Variants in MPV17 observed in about 807,000 individuals in gnomAD.
The protein encoded by MPV17 is MPV17, mitochondrial inner membrane protein.
Under a neutral mutation model 28.6 loss-of-function variants are expected in MPV17, and 31 were observed. That is an observed-to-expected ratio of 1.08 (90% CI 0.81 to 1.46). MPV17 has a LOEUF of 1.46. Among genes scored for constraint, MPV17 ranks in the 40% most tolerant of loss-of-function variants. MPV17 has a pLI of 0.00. For missense variants in MPV17, 198 were observed against 216.2 expected, an observed-to-expected ratio of 0.92 and a Z score of 0.53; for synonymous variants, 87 against 85.3, an observed-to-expected ratio of 1.02 and a Z score of -0.11.
chr2:27,317,156 T>A lies in MPV17; in HGVS notation c.71-4047A>T. The A allele has an allele frequency of 6.5e-7, 1 of 1,550,320 alleles. No homozygotes were observed. Among genetic ancestry groups the A allele is most frequent in the Non-Finnish European group, 8.7e-7 (1 of 1,146,930 alleles). ...CTTGGAGTGAGGAGCAGGAAGCGTG[T>A]CCTTCAGTCCAGGAGGCCTGGGTCG... On this transcript the variant is annotated intron_variant, in intron 2 of 7. Transcript: ENST00000380044. The surrounding 1 kb of genome is among the most constrained non-coding windows in gnomAD (Gnocchi z 4.0).
intron 7 of MPV17, among the ~76,000 whole-genome samples, chr2:27,310,687 G>T (rs924907508): frequency 1.9e-4 from 29 of 152,216 alleles, no homozygotes; most frequent in African/African-American, 5.5e-4. Context: ...GTTTCAAAGA[G>T]TGTTGCAAAG....
chr2:27,322,389 G>T, intron 2 of MPV17, 59 bp downstream of exon 2: 1 of 1,444,956 alleles, frequency 6.9e-7, no homozygotes, highest in Non-Finnish European at 9.7e-7. Context: ...AGTGGGGCAA[G>T]CCTCTGGCTT....
At chr2:27,312,291 C>T (rs1212086518) in intron 5 of MPV17, 45 bp from the exon 6 acceptor site, 4 of 1,600,620 alleles carry the variant, frequency 2.5e-6, no homozygotes, top group Non-Finnish European at 3.4e-6. Flanking sequence ...CGCCTCCAAG[C>T]AGCTCCCACT....
intron 2 of MPV17, among the ~76,000 whole-genome samples, chr2:27,318,824 GC>G (rs1269921387): frequency 2.6e-5 from 4 of 151,806 alleles, no homozygotes; most frequent in Non-Finnish European, 5.9e-5. Context: ...GAGTGCTGTA[GC>G]GCAATCTCAG....
chr2:27,320,199 C>T (rs904626272), intron 2 of MPV17, among the ~76,000 whole-genome samples: 6 of 150,700 alleles, frequency 4.0e-5, no homozygotes, highest in African/African-American at 9.7e-5. Flanking sequence ...ATCACGCCAC[C>T]GCACTCCAGC....
chr2:27,320,758 T>C (rs990779484), intron 2 of MPV17, among the ~76,000 whole-genome samples: 1 of 152,242 alleles, frequency 6.6e-6, no homozygotes, highest in Non-Finnish European at 1.5e-5. Flanking sequence ...GTCTGAAATC[T>C]CTGTACTGTT....
intron 2 of MPV17, chr2:27,315,804 C>G (rs775541769): frequency 7.7e-5 from 66 of 861,212 alleles, no homozygotes; most frequent in Non-Finnish European, 9.2e-5. Context: ...CCAGGTGATC[C>G]ACCTGCCTTG....
chr2:27,311,562 G>T (rs1244079111), intron 7 of MPV17: 2 of 1,548,950 alleles, frequency 1.3e-6, no homozygotes, highest in African/African-American at 1.4e-5. Flanking sequence ...TGGCCTTCTG[G>T]TCTACCTCTC....
intron 2 of MPV17, among the ~76,000 whole-genome samples, chr2:27,318,223 C>T (rs1218733211): frequency 1.6e-5 from 1 of 62,666 alleles, no homozygotes; most frequent in Non-Finnish European, 3.1e-5. Flanking sequence ...CACCTGCCAC[C>T]ACACCCAGCT....
chr2:27,315,552 C>T (rs1218315504), intron 2 of MPV17, among the ~76,000 whole-genome samples: 6 of 152,232 alleles, frequency 3.9e-5, no homozygotes, highest in Non-Finnish European at 1.5e-5. Flanking sequence ...CTCCATTCAT[C>T]CATTCATTCA....
intron 1 of MPV17, among the ~76,000 whole-genome samples, chr2:27,322,737 G>T (rs1005884222): frequency 6.6e-6 from 1 of 152,210 alleles, no homozygotes; most frequent in Non-Finnish European, 1.5e-5. Flanking sequence ...GGAAGCTATG[G>T]ACTCCTGGTA....
chr2:27,313,120 T>C lies in MPV17; in HGVS notation c.71-11A>G. On this transcript the variant is annotated splice_polypyrimidine_tract_variant and intron_variant, in intron 2 of 7. Coordinates refer to ENST00000380044, the MANE Select transcript of MPV17 (RefSeq NM_002437.5). ...GGCCCATCAGGGACCCTATGCAGGG[T>C]ACACAGGTGTTGTCAGGACATCTCC... 6.2e-7 allele frequency: 1 copy of C among 1,614,126 alleles called. No individual in the cohort carries two copies. The highest frequency in any genetic ancestry group is 8.5e-7 in the Non-Finnish European group (1 of 1,180,036).
At chr2:27,313,300 T>G in intron 2 of MPV17, 191 bp from the exon 3 acceptor site, 2 of 1,315,504 alleles carry the variant, frequency 1.5e-6, no homozygotes, top group Non-Finnish European at 2.1e-6. Flanking sequence ...TGACACCTCA[T>G]GTGTATTCTG....
In MPV17 at chr2:27,309,573, A is replaced by G; in HGVS notation, c.*339T>C. ...GAGTCTCTAAAGAGCTGGAGCTACAAGAAGCCTAGGCAGGGTTAGAGTAAC... is the reference window on the plus strand; with the variant it reads ...GAGTCTCTAAAGAGCTGGAGCTACAGGAAGCCTAGGCAGGGTTAGAGTAAC... On this transcript the variant is annotated 3_prime_UTR_variant, in exon 8 of 8. Coordinates refer to ENST00000380044, the MANE Select transcript of MPV17 (RefSeq NM_002437.5). The G allele has an allele frequency of 1.9e-6, 1 of 531,600 alleles. No individual in the cohort carries two copies. Among genetic ancestry groups the G allele is most frequent in the African/African-American group, 1.9e-5 (1 of 52,936 alleles). 32.9% of individuals were successfully genotyped at this position (531,600 alleles called of 1,614,324 possible).
chr2:27,315,486 A>G (rs968233005), intron 2 of MPV17, among the ~76,000 whole-genome samples: 1 of 152,250 alleles, frequency 6.6e-6, no homozygotes, highest in African/African-American at 2.4e-5. Context: ...AGGTGTTTAC[A>G]AAAGACTCTT....
rs1558598590 is a variant in MPV17 at position 27,311,959 on chromosome 2, A to G, written c.409-8T>C. ...CTGCACAGCAGGCCATAGCTGCAAGAGAAAATGTAAAGGTTGGATGGCTGC... is the reference window on the plus strand; with the variant it reads ...CTGCACAGCAGGCCATAGCTGCAAGGGAAAATGTAAAGGTTGGATGGCTGC... On this transcript the variant is annotated splice_region_variant and splice_polypyrimidine_tract_variant and intron_variant, in intron 6 of 7. Transcript: ENST00000380044. 2 of 1,613,176 alleles carry G rather than the reference A, an allele frequency of 1.2e-6. No individual in the cohort carries two copies. Among genetic ancestry groups the G allele is most frequent in the Admixed American group, 3.3e-5 (2 of 59,962 alleles).
chr2:27,317,066 T>C lies in MPV17; in HGVS notation c.71-3957A>G. On this transcript the variant is annotated intron_variant, in intron 2 of 7. Coordinates refer to ENST00000380044, the MANE Select transcript of MPV17 (RefSeq NM_002437.5). This position sits in a 1 kb window ranked among gnomAD's most constrained non-coding sequence, Gnocchi z 4.0. ...AAATTCCCTACTTCTCCTATTTTGT[T>C]CCTCTACTTACTTTTGTGGCTTTTG... is the stretch of plus-strand genomic sequence containing the variant. The C allele has an allele frequency of 6.5e-7, 1 of 1,544,198 alleles. No individual in the cohort carries two copies. Among genetic ancestry groups the C allele is most frequent in the Non-Finnish European group, 8.7e-7 (1 of 1,144,452 alleles).
At chr2:27,312,657 C>G in intron 4 of MPV17, 23 bp downstream of exon 4, 2 of 1,613,490 alleles carry the variant, frequency 1.2e-6, no homozygotes, top group Non-Finnish European at 1.7e-6. Flanking sequence ...AGCTCACCCT[C>G]CCCACTCTGT....
chr2:27,316,267 G>T, intron 2 of MPV17: 2 of 1,507,856 alleles, frequency 1.3e-6, no homozygotes, highest in Non-Finnish European at 1.8e-6. Flanking sequence ...GGCAGAGCTG[G>T]AATGAAAAGC....
Sources: allele counts gnomAD v4.1 joint callset (sites outside exome capture counted in the v4.1 genomes callset), GRCh38; gene constraint gnomAD v4.1.1; non-coding constraint Gnocchi (gnomAD v3.1); transcripts MANE v1.5; gene names NCBI Gene and HGNC (gene_info 2026-07-23, HGNC 2026-07-21).